The following CLDN15 variants were observed in gnomAD, a reference collection of about 807,000 sequenced individuals.
CLDN15 encodes claudin 15, also known as claudin-15.
CLDN15 carries 9 observed loss-of-function variants against 24.5 expected under a neutral mutation model. The observed-to-expected ratio is 0.37, with a 90% confidence interval of 0.22 to 0.64. The LOEUF (loss-of-function observed/expected upper bound fraction) is 0.64, where lower values mean the gene tolerates loss of function less well. Among genes scored for constraint, CLDN15 ranks in the 30% least tolerant of loss-of-function variants. CLDN15 has a pLI of 0.63. For missense variants in CLDN15, 248 were observed against 305.9 expected (o/e 0.81, Z 1.41); for synonymous variants, 149 against 131.4 (o/e 1.13, Z -0.92).
Position 101,232,667 on chromosome 7 carries a change from A to T in CLDN15, c.518T>A (p.Ile173Asn). 2 of 1,591,208 alleles carry T rather than the reference A, an allele frequency of 1.3e-6. No homozygotes were observed. The highest frequency in any genetic ancestry group is 2.3e-5 in the East Asian group (1 of 43,880). The change falls in exon 4 of 5, where the codon ATC (isoleucine) becomes AAC (asparagine). Residue 173 changes from isoleucine (I) to asparagine (N), a missense_variant. Ile to Asn is a moderately radical substitution (Grantham distance 149). Transcript: ENST00000308344. The part of the protein sequence containing the change: ...YLGWSASLIS[I>N]LGGLCLCSAC... ...GGAGCAGAGGCAGAGGCCACCCAGG[A>T]TGGAGATCAGTGAGGCGCTCCACCC...
chr7:101,232,322 CCT>C lies in CLDN15; in HGVS notation c.*86_*87del. ...CTACGGGAGCGGGGCGTGGCCGGCC[CCT>C]GAGGTTACTATAGGGGAATGGGCCC... On this transcript the variant is annotated 3_prime_UTR_variant, in exon 5 of 5. Coordinates refer to ENST00000308344, the MANE Select transcript of CLDN15 (RefSeq NM_014343.3). The C allele has an allele frequency of 1.1e-6, 1 of 952,276 alleles. No individual in the cohort carries two copies. The highest frequency in any genetic ancestry group is 1.6e-5 in the South Asian group (1 of 64,146). The allele number at this position is 952,276 out of a possible 1,614,324, so 59.0% of individuals were successfully genotyped here. A position where few individuals can be genotyped will look rare whatever the true frequency, so the allele number is the denominator to read the frequency against.
chr7:101,233,041 C>A, intron 2 of CLDN15, 127 bp from the exon 3 acceptor site: 1 of 685,426 alleles, frequency 1.5e-6, no homozygotes, highest in Non-Finnish European at 2.7e-6. Context: ...GCAGCAATTT[C>A]ACTCAATTCC....
rs557880219 is a variant in CLDN15 at position 101,237,719 on chromosome 7, T to C, written c.-138A>G. On this transcript the variant is annotated 5_prime_UTR_variant, in exon 1 of 5. Coordinates refer to ENST00000308344, the MANE Select transcript of CLDN15 (RefSeq NM_014343.3). The surrounding 1 kb of genome is among the most constrained non-coding windows in gnomAD (Gnocchi z 4.0). The stretch of plus-strand genomic sequence containing the variant: ...GAATCAGCCTCAGCCTCTGCCTGCC[T>C]CTTCCTCGGGCTCAGGTCCGTCTCC... 240 of 662,894 alleles carry C rather than the reference T, an allele frequency of 3.6e-4. 3 individuals are homozygous for C. In the South Asian group the frequency reaches 4.0e-3, roughly 11 times the overall value. The allele number at this position is 662,894 out of a possible 1,614,324, so 41.1% of individuals were successfully genotyped here. A position where few individuals can be genotyped will look rare whatever the true frequency, so the allele number is the denominator to read the frequency against.
chr7:101,237,569 C>T lies in CLDN15; in HGVS notation c.13G>A (p.Val5Met), dbSNP rs1798655150. The T allele has an allele frequency of 3.1e-6, 5 of 1,613,830 alleles. No homozygotes were observed. Among genetic ancestry groups the T allele is most frequent in the East Asian group, 2.2e-5 (1 of 44,890 alleles). Residue 5 changes from valine to methionine, a missense_variant, in exon 1 of 5, where the codon GTG becomes ATG. Physicochemically the swap from Val to Met is conservative, Grantham distance 21 (BLOSUM62 1). Transcript: ENST00000308344. The surrounding 1 kb of genome is among the most constrained non-coding windows in gnomAD (Gnocchi z 4.0). ...GCCATGAAGAAGCCAAAGGTTTCCA[C>T]AGCCATCGACATGGTGGGATGCAGG... MSMA[V>M]ETFGFFMATV... is the part of the protein sequence containing the mutation.
In CLDN15 at chr7:101,232,399, G is replaced by A; in HGVS notation, c.*11C>T. 2 of 1,594,626 alleles carry A rather than the reference G, an allele frequency of 1.3e-6. No homozygotes were observed. The highest frequency in any genetic ancestry group is 1.7e-6 in the Non-Finnish European group (2 of 1,163,280). ...CAGTGGGAAGACAGCGGGGCCCACG[G>A]GCCAGAGCTGCTACACGTAGGCGTT... On this transcript the variant is annotated 3_prime_UTR_variant, in exon 5 of 5. Transcript: ENST00000308344.
chr7:101,235,688 G>T (rs1798607770), intron 1 of CLDN15, among the ~76,000 whole-genome samples: 1 of 152,150 alleles, frequency 6.6e-6, no homozygotes, highest in African/African-American at 2.4e-5. Flanking sequence ...TGCAGAGTCG[G>T]GGGGTAGGCA....
intron 2 of CLDN15, chr7:101,233,944 ACT>A (rs1416849312): frequency 2.1e-6 from 1 of 469,386 alleles, no homozygotes; most frequent in Admixed American, 2.5e-5. Flanking sequence ...GTGGACGTGC[ACT>A]GTGTGTGTGC....
At chr7:101,236,891 A>G in intron 1 of CLDN15, 1 of 1,121,678 alleles carries the variant, frequency 8.9e-7, no homozygotes, top group Non-Finnish European at 1.2e-6. Context: ...TGGAGCCTGG[A>G]AGTTGATCAA....
chr7:101,234,176 G>C, intron 2 of CLDN15, 102 bp downstream of exon 2: 1 of 953,380 alleles, frequency 1.0e-6, no homozygotes, highest in Admixed American at 1.7e-5. Context: ...TAGGGGAGGT[G>C]AGCATGAGGA....
Position 101,237,239 on chromosome 7 carries a change from C to A in CLDN15, c.217+126G>T, listed in dbSNP as rs1196699463. ...GGGCCGCCCCCAGCACTCCTGGCTGCGGGAACTCAGACCCGCAGAGCTTAA... is the reference window on the plus strand; with the variant it reads ...GGGCCGCCCCCAGCACTCCTGGCTGAGGGAACTCAGACCCGCAGAGCTTAA... On this transcript the variant is annotated intron_variant, in intron 1 of 4. Coordinates refer to ENST00000308344, the MANE Select transcript of CLDN15 (RefSeq NM_014343.3). The surrounding 1 kb of genome is among the most constrained non-coding windows in gnomAD (Gnocchi z 4.0). 1.4e-6 allele frequency: 1 copy of A among 707,054 alleles called. No individual in the cohort carries two copies. The highest frequency in any genetic ancestry group is 2.5e-6 in the Non-Finnish European group (1 of 400,324). The allele number at this position is 707,054 out of a possible 1,614,324, so 43.8% of individuals were successfully genotyped here.
chr7:101,232,867 G>T lies in CLDN15; in HGVS notation c.430C>A (p.Arg144=). ...GGGTACAAGGGGTCGAAGAAGTCCC[G>T]GGTGATGTTGAAGGCGTACCAGGAG... is the stretch of plus-strand genomic sequence containing the variant. ...AISWYAFNIT[R]DFFDPLYPGT... Residue 144 remains arginine (R), a synonymous_variant, in exon 3 of 5, where the codon CGG becomes AGG. Coordinates refer to ENST00000308344, the MANE Select transcript of CLDN15 (RefSeq NM_014343.3). 2 of 1,613,456 alleles carry T rather than the reference G, an allele frequency of 1.2e-6. No homozygotes were observed. The highest frequency in any genetic ancestry group is 1.7e-6 in the Non-Finnish European group (2 of 1,179,844).
chr7:101,236,772 C>T (rs1418256319), intron 1 of CLDN15: 23 of 1,291,224 alleles, frequency 1.8e-5, no homozygotes, highest in Middle Eastern at 4.2e-4. Context: ...CTCCTTACAG[C>T]GGACGCTCAA....
rs762687305 is a variant in CLDN15 at position 101,232,605 on chromosome 7, T to G, written c.580A>C (p.Ser194Arg). 20 of 1,592,872 alleles carry G rather than the reference T, an allele frequency of 1.3e-5. No homozygotes were observed. Among genetic ancestry groups the G allele is most frequent in the Non-Finnish European group, 1.5e-5 (17 of 1,169,960 alleles). Residue 194 changes from serine to arginine, a missense_variant and splice_region_variant, in exon 4 of 5, where the codon AGC becomes CGC. By Grantham distance (110) the Ser-to-Arg change is moderately radical. Coordinates refer to ENST00000308344, the MANE Select transcript of CLDN15 (RefSeq NM_014343.3). Reference protein sequence around the residue: ...CCGSDEDPAASARRPYQAPVS... With the variant: ...CCGSDEDPAARARRPYQAPVS... The stretch of plus-strand genomic sequence containing the variant: ...CAGCCTGCGCCTCACCCTGCTCACC[T>G]GGCGGCTGGGTCCTCGTCAGAGCCG...
chr7:101,234,850 GCT>G (rs1219498775), intron 1 of CLDN15, among the ~76,000 whole-genome samples: 1 of 151,766 alleles, frequency 6.6e-6, no homozygotes, highest in African/African-American at 2.4e-5. Context: ...CTCCCACCCT[GCT>G]CCCCACTCCT....
At chr7:101,237,858 G>A, upstream of CLDN15, 1 of 471,276 alleles carries the variant, frequency 2.1e-6, no homozygotes, top group Non-Finnish European at 3.9e-6. This position sits in a 1 kb window ranked among gnomAD's most constrained non-coding sequence, Gnocchi z 4.0. Context: ...ACCGAAACGG[G>A]CCAAAAGTCC....
intron 2 of CLDN15, 28 bp from the exon 3 acceptor site, chr7:101,232,942 A>C: frequency 7.6e-7 from 1 of 1,319,410 alleles, no homozygotes; most frequent in Non-Finnish European, 1.1e-6. Flanking sequence ...ACCCCAGTCC[A>C]GTCCAGGGGG....
intron 1 of CLDN15, among the ~76,000 whole-genome samples, chr7:101,235,192 T>G (rs1357891658): frequency 1.3e-5 from 2 of 152,236 alleles, no homozygotes; most frequent in African/African-American, 4.8e-5. Flanking sequence ...AGCCCAGTGC[T>G]GGACATTTTG....
intron 1 of CLDN15, among the ~76,000 whole-genome samples, chr7:101,236,271 C>T (rs371349457): frequency 1.8e-4 from 25 of 136,088 alleles, no homozygotes; most frequent in Admixed American, 7.0e-5. Context: ...GGGGGGGGGG[C>T]CCGCCGGCCC....
chr7:101,237,480 C>T lies in CLDN15; in HGVS notation c.102G>A (p.Val34=), dbSNP rs1279559194. 2 of 1,613,962 alleles carry T rather than the reference C, an allele frequency of 1.2e-6. No homozygotes were observed. Among genetic ancestry groups the T allele is most frequent in the African/African-American group, 1.3e-5 (1 of 74,928 alleles). The change falls in exon 1 of 5, where the codon GTG becomes GTA. Residue 34 remains valine (V), a synonymous_variant. Coordinates refer to ENST00000308344, the MANE Select transcript of CLDN15 (RefSeq NM_014343.3). The surrounding 1 kb of genome is among the most constrained non-coding windows in gnomAD (Gnocchi z 4.0). ...TGTTGGTGGTGATGACGTTCCCGTG[C>T]ACAGTGGACACTCGCCAGTAGCTGT... ...LPNSYWRVST[V]HGNVITTNTI...
Sources: gnomAD v4.1 joint callset for allele counts (sites outside exome capture counted in the v4.1 genomes callset) on GRCh38, gnomAD v4.1.1 for gene constraint, Gnocchi (gnomAD v3.1) non-coding constraint, MANE v1.5 for transcripts, NCBI Gene and HGNC (gene_info 2026-07-23, HGNC 2026-07-21) for gene names.